The following TENM1 variants were observed in gnomAD, a reference collection of about 807,000 sequenced individuals.
TENM1 encodes the protein teneurin transmembrane protein 1.
Under a neutral mutation model 174.8 loss-of-function variants are expected in TENM1, and 35 were observed. The observed-to-expected ratio is 0.20, with a 90% CI of 0.15 to 0.27. The LOEUF (loss-of-function observed/expected upper bound fraction) is 0.27, where lower values mean the gene tolerates loss of function less well. Among genes scored for constraint, TENM1 ranks in the 10% least tolerant of loss-of-function variants. The pLI is 1.00. For synonymous variants in TENM1, 781 were observed against 798.7 expected (o/e 0.98, Z 0.37); for missense variants, 1,633 against 2,130.1 (o/e 0.77, Z 4.59).
chrX:124,640,961 C>CAAAAA (rs59598996), intron 11 of TENM1, among the ~76,000 whole-genome samples: 15 of 57,740 alleles, frequency 2.6e-4, no homozygotes, highest in African/African-American at 1.1e-3. Flanking sequence ...AATCCATCTC[C>CAAAAA]AAAAAAAAAA....
intron 5 of TENM1, among the ~76,000 whole-genome samples, chrX:124,693,210 T>C (rs1242615237): frequency 9.0e-5 from 10 of 110,621 alleles, no homozygotes; most frequent in Non-Finnish European, 1.5e-4. Flanking sequence ...TAGGAGTTGA[T>C]AGTTTTGAGT....
At chrX:124,897,660 T>G (rs2057585661) in intron 1 of TENM1, among the ~76,000 whole-genome samples, 1 of 112,618 alleles carries the variant, frequency 8.9e-6, no homozygotes, top group African/African-American at 3.2e-5. Flanking sequence ...GCTACTATAA[T>G]GTATTAGAAA....
chrX:124,637,839 T>C (rs1352975410), intron 11 of TENM1, among the ~76,000 whole-genome samples: 18 of 112,326 alleles, frequency 1.6e-4, no homozygotes. Context: ...TTGCCTCACA[T>C]GCTGTCGGAG....
At chrX:125,047,506 C>T in the TENM1 span, among the ~76,000 whole-genome samples, 4 of 111,208 alleles carry the variant, frequency 3.6e-5, no homozygotes, top group South Asian at 3.8e-4. Flanking sequence ...TAAGTGAGAA[C>T]GCATTAATTC....
At chrX:124,427,191 G>A (rs1225400502) in intron 23 of TENM1, among the ~76,000 whole-genome samples, 1 of 112,123 alleles carries the variant, frequency 8.9e-6, no homozygotes, top group Non-Finnish European at 1.9e-5. Flanking sequence ...TCTGGGAGCC[G>A]AGGCCAGGGC....
chrX:125,191,255 T>A, the TENM1 span, among the ~76,000 whole-genome samples: 2 of 112,145 alleles, frequency 1.8e-5, no homozygotes, highest in African/African-American at 3.2e-5. Context: ...TAATATTTCA[T>A]CATGTCCTTA....
At chrX:125,024,663 C>T in the TENM1 span, among the ~76,000 whole-genome samples, 1 of 111,165 alleles carries the variant, frequency 9.0e-6, no homozygotes, top group Admixed American at 9.6e-5. Context: ...GTACACTATT[C>T]AGGTGATGTG....
intron 1 of TENM1, among the ~76,000 whole-genome samples, chrX:124,914,969 C>A (rs749144328): frequency 8.9e-6 from 1 of 112,089 alleles, no homozygotes; most frequent in Admixed American, 9.5e-5. Context: ...CTTGCTTCTG[C>A]AACATGTACT....
At chrX:124,752,531 C>T (rs1302688402) in intron 3 of TENM1, among the ~76,000 whole-genome samples, 1 of 111,714 alleles carries the variant, frequency 9.0e-6, no homozygotes, top group Non-Finnish European at 1.9e-5. Flanking sequence ...CTTTCGTTGC[C>T]ATTGCTTTTG....
At chrX:124,607,751 T>C (rs770952405) in intron 11 of TENM1, among the ~76,000 whole-genome samples, 5 of 110,823 alleles carry the variant, frequency 4.5e-5, no homozygotes, top group Admixed American at 1.9e-4. Flanking sequence ...GTTGTTCTGC[T>C]GAGAATAGAC....
At chrX:124,801,132 T>C (rs752222240) in intron 3 of TENM1, among the ~76,000 whole-genome samples, 36 of 111,716 alleles carry the variant, frequency 3.2e-4, no homozygotes, top group African/African-American at 1.2e-3. Flanking sequence ...CAGAGTTGAG[T>C]TCAAGTCCAG....
chrX:124,520,389 TA>T, intron 18 of TENM1, 127 bp downstream of exon 21: 1 of 703,022 alleles, frequency 1.4e-6, no homozygotes, highest in Non-Finnish European at 2.0e-6. Context: ...GTGTTTAAAT[TA>T]AAAATGCCTT....
At chrX:124,422,702 G>GA in intron 23 of TENM1, 64 bp from the exon 27 acceptor site, 2 of 1,034,971 alleles carry the variant, frequency 1.9e-6, no homozygotes, top group Admixed American at 3.0e-5. Context: ...GTTTTAACTT[G>GA]AAAAAAAGAA....
the TENM1 span, among the ~76,000 whole-genome samples, chrX:125,160,218 A>G: frequency 9.5e-6 from 1 of 105,660 alleles, no homozygotes; most frequent in Admixed American, 1.0e-4. Flanking sequence ...AAAAAAAAAA[A>G]AGAAAAAAGA....
intron 1 of TENM1, among the ~76,000 whole-genome samples, chrX:124,945,373 G>A (rs1466763921): frequency 1.8e-5 from 2 of 110,906 alleles, no homozygotes; most frequent in Non-Finnish European, 3.8e-5. Context: ...CAGGTTTTGA[G>A]CAGGGAAGTG....
At chrX:125,062,349 G>T in the TENM1 span, among the ~76,000 whole-genome samples, 3 of 111,164 alleles carry the variant, frequency 2.7e-5, no homozygotes, top group African/African-American at 9.8e-5. Context: ...GGAACTTTTT[G>T]ACAAAGCCGT....
chrX:124,707,112 T>C (rs1007848078), intron 4 of TENM1, among the ~76,000 whole-genome samples: 4 of 110,422 alleles, frequency 3.6e-5, no homozygotes, highest in Admixed American at 9.7e-5. Context: ...TTCAAGCAAT[T>C]CTCCTGCCTC....
intron 3 of TENM1, among the ~76,000 whole-genome samples, chrX:124,772,298 G>T (rs1352631058): frequency 2.7e-5 from 3 of 111,244 alleles, no homozygotes; most frequent in East Asian, 2.8e-4. Context: ...ACCACACCCG[G>T]ATAATTTTTG....
At chrX:124,484,394 A>C in intron 21 of TENM1, among the ~76,000 whole-genome samples, 1 of 111,851 alleles carries the variant, frequency 8.9e-6, no homozygotes. Flanking sequence ...TGCGTAGCCA[A>C]CACTTAAGGA....
Sources: allele counts gnomAD v4.1 joint callset (sites outside exome capture counted in the v4.1 genomes callset), GRCh38; gene constraint gnomAD v4.1.1; transcripts MANE v1.5; gene names NCBI Gene and HGNC (gene_info 2026-07-23, HGNC 2026-07-21).